The following SCHIP1 variants were observed in gnomAD, a reference collection of about 807,000 sequenced individuals.
The protein encoded by SCHIP1 is schwannomin interacting protein 1.
A neutral mutation model predicts 29.7 loss-of-function variants in SCHIP1; 8 were observed. That is an observed-to-expected ratio of 0.27 (90% CI 0.16 to 0.49). SCHIP1 has a LOEUF of 0.49. SCHIP1 is among the 20% of genes least tolerant of loss of function. The probability of loss-of-function intolerance (pLI) is 0.99; values close to 1 mark genes in which losing one functional copy is unlikely to be tolerated. For synonymous variants in SCHIP1, 76 were observed against 94.9 expected (o/e 0.80, Z 1.16); for missense variants, 193 against 294.6 (o/e 0.66, Z 2.52).
At chr3:159,424,518 C>G in the SCHIP1 span, among the ~76,000 whole-genome samples, 1 of 152,132 alleles carries the variant, frequency 6.6e-6, no homozygotes. Flanking sequence ...ATGAACAAAG[C>G]CTCCAAGAAA....
At chr3:159,649,717 T>C in the SCHIP1 span, among the ~76,000 whole-genome samples, 10 of 152,132 alleles carry the variant, frequency 6.6e-5, no homozygotes, top group African/African-American at 2.4e-4. Flanking sequence ...ATATGGAAGA[T>C]TGATGGAGAG....
chr3:159,665,410 C>T, the SCHIP1 span, among the ~76,000 whole-genome samples: 4 of 152,158 alleles, frequency 2.6e-5, no homozygotes, highest in African/African-American at 9.7e-5. Context: ...AACTTGGTCT[C>T]TTCTCTCCCA....
At chr3:159,434,524 T>C in the SCHIP1 span, among the ~76,000 whole-genome samples, 1 of 152,146 alleles carries the variant, frequency 6.6e-6, no homozygotes, top group Admixed American at 6.6e-5. Context: ...TCCACTGGGT[T>C]TCCCCTAAAG....
chr3:159,689,666 G>A, the SCHIP1 span, among the ~76,000 whole-genome samples: 21 of 152,330 alleles, frequency 1.4e-4, no homozygotes, highest in East Asian at 3.9e-3. Flanking sequence ...GGGCATCCTT[G>A]TCGTGTGCCA....
At chr3:159,872,075 C>T (rs1181151527) in intron 2 of SCHIP1, among the ~76,000 whole-genome samples, 1 of 152,166 alleles carries the variant, frequency 6.6e-6, no homozygotes, top group Non-Finnish European at 1.5e-5. Flanking sequence ...CACCCATCTG[C>T]ATATTATCTT....
chr3:159,529,245 G>A, the SCHIP1 span, among the ~76,000 whole-genome samples: 6 of 152,158 alleles, frequency 3.9e-5, no homozygotes, highest in African/African-American at 4.8e-5. Flanking sequence ...CTGCATATAT[G>A]CTAGTTCTAT....
chr3:159,527,375 G>A, the SCHIP1 span, among the ~76,000 whole-genome samples: 1 of 152,172 alleles, frequency 6.6e-6, no homozygotes, highest in African/African-American at 2.4e-5. Context: ...TCCCAAGAAA[G>A]CAACACTTGC....
the SCHIP1 span, among the ~76,000 whole-genome samples, chr3:159,628,937 CTT>C: frequency 1.3e-5 from 2 of 152,128 alleles, no homozygotes; most frequent in African/African-American, 2.4e-5. Flanking sequence ...AAAGCCCACT[CTT>C]TAAGAAAAAT....
At chr3:159,803,504 T>A in the SCHIP1 span, among the ~76,000 whole-genome samples, 1 of 152,172 alleles carries the variant, frequency 6.6e-6, no homozygotes, top group East Asian at 1.9e-4. Context: ...ATATCCTTTA[T>A]TTTTTTGAGC....
chr3:159,660,374 T>C, the SCHIP1 span, among the ~76,000 whole-genome samples: 1 of 152,198 alleles, frequency 6.6e-6, no homozygotes, highest in African/African-American at 2.4e-5. Context: ...TTTAAAAGCA[T>C]AGCTATAGTG....
chr3:159,390,263 A>G, the SCHIP1 span, among the ~76,000 whole-genome samples: 228 of 152,234 alleles, frequency 1.5e-3, 1 homozygote, highest in Non-Finnish European at 2.5e-3. Flanking sequence ...TTTATGAGAC[A>G]AGAAGTTCTT....
the SCHIP1 span, among the ~76,000 whole-genome samples, chr3:159,294,948 G>A: frequency 7.4e-3 from 1,121 of 152,060 alleles, 13 homozygotes; most frequent in African/African-American, 0.026. Context: ...ATCATTACCC[G>A]AAAGGGAAAG....
the SCHIP1 span, among the ~76,000 whole-genome samples, chr3:159,617,716 C>G: frequency 2.0e-5 from 3 of 152,156 alleles, no homozygotes; most frequent in Non-Finnish European, 4.4e-5. Context: ...TTTACTACCC[C>G]CCCTAGGAAG....
chr3:159,323,255 T>C, the SCHIP1 span, among the ~76,000 whole-genome samples: 2 of 152,230 alleles, frequency 1.3e-5, no homozygotes, highest in Non-Finnish European at 2.9e-5. Context: ...TAGGTAATTA[T>C]ACAGATAATA....
the SCHIP1 span, among the ~76,000 whole-genome samples, chr3:159,321,327 C>T: frequency 5.3e-5 from 8 of 152,262 alleles, no homozygotes; most frequent in South Asian, 2.1e-4. Context: ...GCGTCCTCAA[C>T]GAGAAGTTTC....
chr3:159,612,859 G>A, the SCHIP1 span, among the ~76,000 whole-genome samples: 1,867 of 152,340 alleles, frequency 0.012, 38 homozygotes, highest in African/African-American at 0.042. Flanking sequence ...TTCAGATGAA[G>A]ATGTTGAGAT....
the SCHIP1 span, among the ~76,000 whole-genome samples, chr3:159,292,424 C>G: frequency 6.6e-6 from 1 of 152,094 alleles, no homozygotes; most frequent in Non-Finnish European, 1.5e-5. Flanking sequence ...TTAGGTGAGA[C>G]AAATACTTTA....
intron 2 of SCHIP1, among the ~76,000 whole-genome samples, chr3:159,872,702 G>A (rs1414800107): frequency 6.6e-6 from 1 of 152,244 alleles, no homozygotes; most frequent in East Asian, 1.9e-4. Context: ...TTAATAATGA[G>A]ACTACATATT....
chr3:159,281,744 A>C, the SCHIP1 span, among the ~76,000 whole-genome samples: 1 of 152,156 alleles, frequency 6.6e-6, no homozygotes, highest in Non-Finnish European at 1.5e-5. Flanking sequence ...ACTACATTGT[A>C]ATATTCTCTG....
Sources: allele counts gnomAD v4.1 joint callset (sites outside exome capture counted in the v4.1 genomes callset), GRCh38; gene constraint gnomAD v4.1.1; transcripts MANE v1.5; gene names NCBI Gene and HGNC (gene_info 2026-07-23, HGNC 2026-07-21).